DLG2: variants seen among roughly 807,000 people sequenced by gnomAD.
DLG2 encodes the protein discs large MAGUK scaffold protein 2.
In DLG2, 45 loss-of-function variants were observed where a neutral mutation model predicts 132.5. That is an observed-to-expected ratio of 0.34 (90% confidence interval 0.27 to 0.44). DLG2 has a LOEUF of 0.44. Among genes scored for constraint, DLG2 ranks in the 20% least tolerant of loss-of-function variants. The probability of loss-of-function intolerance (pLI) is 1.00; values close to 1 mark genes in which losing one functional copy is unlikely to be tolerated. For missense variants in DLG2, 1,045 were observed against 1,196.9 expected (o/e 0.87, Z 1.87); for synonymous variants, 424 against 419.6 (o/e 1.01, Z -0.13).
intron 8 of DLG2, among the ~76,000 whole-genome samples, chr11:84,237,804 G>A (rs1475862611): frequency 1.3e-5 from 2 of 152,088 alleles, no homozygotes; most frequent in Non-Finnish European, 2.9e-5. Context: ...TTGGGAGGCT[G>A]AAGCAGGTGG....
intron 3 of DLG2, among the ~76,000 whole-genome samples, chr11:85,592,895 G>C (rs2079461150): frequency 2.0e-5 from 3 of 151,644 alleles, no homozygotes; most frequent in Admixed American, 2.0e-4. Context: ...AGAGGTTGCA[G>C]TGAGCTGAGA....
At chr11:83,576,508 GA>G in intron 19 of DLG2, among the ~76,000 whole-genome samples, 1 of 151,870 alleles carries the variant, frequency 6.6e-6, no homozygotes, top group East Asian at 1.9e-4. Context: ...CTAATAAAAA[GA>G]AAAAATTTAT....
At chr11:84,532,298 AT>A (rs1192486615) in intron 7 of DLG2, among the ~76,000 whole-genome samples, 3 of 152,038 alleles carry the variant, frequency 2.0e-5, no homozygotes, top group Non-Finnish European at 4.4e-5. Flanking sequence ...CTTATTTCAA[AT>A]ATTTCATCTA....
chr11:85,540,103 C>T (rs7949809), intron 3 of DLG2, among the ~76,000 whole-genome samples: 5,443 of 152,242 alleles, frequency 0.036, 148 homozygotes, highest in Admixed American at 0.055. Context: ...AGGGGCAAAG[C>T]GGCAGGGGGG....
intron 6 of DLG2, among the ~76,000 whole-genome samples, chr11:84,704,860 T>C (rs562099536): frequency 4.0e-4 from 60 of 148,918 alleles, no homozygotes; most frequent in African/African-American, 1.1e-3. Flanking sequence ...TATATATATA[T>C]ACACACACAC....
chr11:84,961,930 C>A (rs1168802902), intron 6 of DLG2, among the ~76,000 whole-genome samples: 1 of 152,200 alleles, frequency 6.6e-6, no homozygotes, highest in East Asian at 1.9e-4. Flanking sequence ...CCCTCCTTAG[C>A]CCCACCCCAG....
At chr11:83,887,035 AG>A (rs1296277807) in intron 15 of DLG2, among the ~76,000 whole-genome samples, 1 of 152,192 alleles carries the variant, frequency 6.6e-6, no homozygotes, top group East Asian at 1.9e-4. Flanking sequence ...CACAATTAAA[AG>A]AACTAGAAAA....
At chr11:83,527,727 C>T (rs2095643202) in intron 21 of DLG2, among the ~76,000 whole-genome samples, 1 of 152,152 alleles carries the variant, frequency 6.6e-6, no homozygotes, top group Non-Finnish European at 1.5e-5. Flanking sequence ...AAGAGACACA[C>T]ATTGCACGTT....
chr11:83,895,684 C>G (rs182657536), intron 15 of DLG2, among the ~76,000 whole-genome samples: 2 of 152,198 alleles, frequency 1.3e-5, no homozygotes. Context: ...CAGCCTGCTG[C>G]TATTCATTCT....
intron 5 of DLG2, among the ~76,000 whole-genome samples, chr11:85,136,318 T>C (rs1357740736): frequency 6.6e-6 from 1 of 152,206 alleles, no homozygotes; most frequent in Non-Finnish European, 1.5e-5. Context: ...TATAAGTACA[T>C]AACATTTTGA....
chr11:85,377,615 G>T (rs1364180924), intron 3 of DLG2, among the ~76,000 whole-genome samples: 1 of 151,858 alleles, frequency 6.6e-6, no homozygotes, highest in Non-Finnish European at 1.5e-5. Context: ...TTGTTCCTTA[G>T]TTTCTGAGAG....
rs188376507 is a variant in DLG2, at chr11:84,161,292, A to C, written c.624+2169T>G. Among the ~76,000 whole-genome samples the C allele has an allele frequency of 2.1e-4, 32 of 152,264 alleles. No homozygotes were observed. The East Asian group carries it at 4.1e-3, about 19-fold the overall frequency. The stretch of plus-strand genomic sequence containing the variant: ...TAGGTGGGGAGGGAAGAGAGGGCAT[A>C]AAGAAAGGTGAAAGCTGGGTAGAAA... On this transcript the variant is annotated intron_variant, in intron 9 of 27. Transcript: ENST00000376104.
At chr11:85,315,292 T>A (rs778043930) in intron 3 of DLG2, among the ~76,000 whole-genome samples, 1 of 151,998 alleles carries the variant, frequency 6.6e-6, no homozygotes, top group Non-Finnish European at 1.5e-5. Context: ...TGTCTTAGCA[T>A]GAGCCAACTT....
intron 3 of DLG2, among the ~76,000 whole-genome samples, chr11:85,456,331 T>C (rs1565515445): frequency 6.6e-6 from 1 of 152,192 alleles, no homozygotes; most frequent in African/African-American, 2.4e-5. Flanking sequence ...TCATTTCTGA[T>C]TGTGTTTATT....
chr11:84,370,944 G>C (rs879292623), intron 7 of DLG2, among the ~76,000 whole-genome samples: 7 of 152,192 alleles, frequency 4.6e-5, no homozygotes, highest in Admixed American at 4.6e-4. Flanking sequence ...TTTATCAAAG[G>C]TTATATGTTG....
At chr11:83,989,371 A>C (rs1270855293) in intron 11 of DLG2, among the ~76,000 whole-genome samples, 1 of 152,162 alleles carries the variant, frequency 6.6e-6, no homozygotes, top group African/African-American at 2.4e-5. Context: ...AAGTATATCT[A>C]TTATCTAGCA....
At chr11:83,779,696 C>T (rs2094727921) in intron 18 of DLG2, among the ~76,000 whole-genome samples, 1 of 152,080 alleles carries the variant, frequency 6.6e-6, no homozygotes, top group Admixed American at 6.5e-5. Flanking sequence ...AACTTTAGTT[C>T]CTCCATATGT....
intron 6 of DLG2, among the ~76,000 whole-genome samples, chr11:84,860,175 T>C (rs527628298): frequency 2.2e-4 from 33 of 152,286 alleles, no homozygotes; most frequent in Middle Eastern, 3.4e-3. Context: ...AAAATATTTA[T>C]TGTATTGGCT....
chr11:85,563,076 G>A (rs2077343377), intron 3 of DLG2, among the ~76,000 whole-genome samples: 1 of 151,698 alleles, frequency 6.6e-6, no homozygotes, highest in South Asian at 2.1e-4. Context: ...AAGGCTGTAT[G>A]CCATAATGGA....
Sources: gnomAD v4.1 joint callset for allele counts (sites outside exome capture counted in the v4.1 genomes callset) on GRCh38, gnomAD v4.1.1 for gene constraint, MANE v1.5 for transcripts, NCBI Gene and HGNC (gene_info 2026-07-23, HGNC 2026-07-21) for gene names.